Variants in PARD3B observed in about 807,000 individuals in gnomAD.
PARD3B encodes partitioning defective 3 homolog B.
A neutral mutation model predicts 130.2 loss-of-function variants in PARD3B; 103 were observed. That is an observed-to-expected ratio of 0.79 (90% CI 0.67 to 0.93). The LOEUF is 0.93. Ranked by LOEUF, PARD3B falls within the 40% of genes least tolerant of loss-of-function variation. The pLI is 0.00. For synonymous variants in PARD3B, 583 were observed against 553.2 expected, an observed-to-expected ratio of 1.05 and a Z score of -0.76; for missense variants, 1,609 against 1,499.2, an observed-to-expected ratio of 1.07 and a Z score of -1.21.
At chr2:205,552,381 A>G (rs1281775382) in intron 21 of PARD3B, among the ~76,000 whole-genome samples, 1 of 152,102 alleles carries the variant, frequency 6.6e-6, no homozygotes, top group East Asian at 1.9e-4. Context: ...GAAAGGTTTT[A>G]TAGAAAAGGT....
At chr2:204,810,848 CT>C (rs1251466306) in intron 2 of PARD3B, among the ~76,000 whole-genome samples, 1 of 152,058 alleles carries the variant, frequency 6.6e-6, no homozygotes, top group African/African-American at 2.4e-5. Context: ...GGAGTCCCTC[CT>C]CTTCAATTTT....
At chr2:204,935,398 G>T (rs1374080298) in intron 2 of PARD3B, among the ~76,000 whole-genome samples, 9 of 149,264 alleles carry the variant, frequency 6.0e-5, no homozygotes, top group African/African-American at 2.0e-4. Flanking sequence ...AATTAGCCTG[G>T]CATGGTGACG....
intron 1 of PARD3B, among the ~76,000 whole-genome samples, chr2:204,564,239 A>G (rs937738543): frequency 2.6e-5 from 4 of 152,186 alleles, no homozygotes; most frequent in East Asian, 1.9e-4. Flanking sequence ...CTTCACATGC[A>G]TACATTTTGA....
chr2:204,666,503 AG>A (rs2036029589), intron 1 of PARD3B, among the ~76,000 whole-genome samples: 3 of 152,188 alleles, frequency 2.0e-5, no homozygotes, highest in Non-Finnish European at 4.4e-5. Flanking sequence ...AGAAACCAAT[AG>A]GTGGCTATTG....
chr2:204,947,860 G>C (rs2125818245), intron 2 of PARD3B, among the ~76,000 whole-genome samples: 1 of 152,178 alleles, frequency 6.6e-6, no homozygotes, highest in Admixed American at 6.5e-5. Context: ...ATGATGAATA[G>C]GTCTATTGTT....
intron 18 of PARD3B, among the ~76,000 whole-genome samples, chr2:205,359,587 T>C (rs1385498500): frequency 1.3e-5 from 2 of 152,244 alleles, no homozygotes; most frequent in African/African-American, 4.8e-5. Flanking sequence ...CCTCTGCATG[T>C]AGTGACTTAA....
intron 2 of PARD3B, among the ~76,000 whole-genome samples, chr2:204,934,318 G>T (rs1688247378): frequency 6.6e-6 from 1 of 152,158 alleles, no homozygotes; most frequent in South Asian, 2.1e-4. Flanking sequence ...ACACTTTGTG[G>T]GGAGGACATG....
chr2:205,508,675 C>G (rs1040823704), intron 21 of PARD3B, among the ~76,000 whole-genome samples: 1 of 152,094 alleles, frequency 6.6e-6, no homozygotes, highest in East Asian at 1.9e-4. Context: ...TTCTTGAGCT[C>G]TATCCCAATG....
intron 2 of PARD3B, among the ~76,000 whole-genome samples, chr2:204,876,226 G>A (rs1246813773): frequency 6.6e-6 from 1 of 152,102 alleles, no homozygotes; most frequent in Non-Finnish European, 1.5e-5. Flanking sequence ...TTTAATCTTT[G>A]CCTCATAAAA....
chr2:204,699,295 A>G (rs1057474052), intron 2 of PARD3B, among the ~76,000 whole-genome samples: 2 of 152,084 alleles, frequency 1.3e-5, no homozygotes, highest in African/African-American at 4.8e-5. Flanking sequence ...TTACGCTTGG[A>G]CACTGAAAAC....
chr2:204,744,930 G>C (rs1007219870), intron 2 of PARD3B, among the ~76,000 whole-genome samples: 7 of 152,164 alleles, frequency 4.6e-5, no homozygotes, highest in Non-Finnish European at 8.8e-5. Flanking sequence ...TGTCCAGTCA[G>C]ATGCAACAGA....
chr2:205,054,432 ATATAT>A (rs1227855234), intron 4 of PARD3B, among the ~76,000 whole-genome samples: 2 of 30,994 alleles, frequency 6.5e-5, no homozygotes, highest in African/African-American at 1.5e-4. Flanking sequence ...ATATATATAT[ATATAT>A]TTTTTTTTTT....
chr2:205,306,012 A>C (rs1183059562), intron 18 of PARD3B, among the ~76,000 whole-genome samples: 1 of 152,196 alleles, frequency 6.6e-6, no homozygotes, highest in East Asian at 1.9e-4. Flanking sequence ...ATTATCCTGC[A>C]TTTTCCCCAA....
At chr2:204,865,962 C>G (rs1435590686) in intron 2 of PARD3B, among the ~76,000 whole-genome samples, 1 of 152,126 alleles carries the variant, frequency 6.6e-6, no homozygotes, top group Admixed American at 6.6e-5. Flanking sequence ...TACATGAAGA[C>G]CTTGCTTTCA....
chr2:204,902,617 C>T (rs1371695319), intron 2 of PARD3B, among the ~76,000 whole-genome samples: 3 of 143,624 alleles, frequency 2.1e-5, no homozygotes, highest in Admixed American at 1.5e-4. Context: ...TGCAGTGAGC[C>T]GAGATCGCGC....
chr2:204,780,265 G>A (rs1028907295), intron 2 of PARD3B, among the ~76,000 whole-genome samples: 1 of 152,150 alleles, frequency 6.6e-6, no homozygotes, highest in South Asian at 2.1e-4. Context: ...TTATCAGAGA[G>A]AGTGTATGTG....
chr2:204,963,419 T>A (rs1182433540), intron 2 of PARD3B, among the ~76,000 whole-genome samples: 1 of 152,152 alleles, frequency 6.6e-6, no homozygotes, highest in African/African-American at 2.4e-5. Context: ...GGATATCATA[T>A]GAAAGAAGAG....
At chr2:204,651,347 C>G (rs2035469725) in intron 1 of PARD3B, among the ~76,000 whole-genome samples, 2 of 152,162 alleles carry the variant, frequency 1.3e-5, no homozygotes, top group Non-Finnish European at 2.9e-5. Flanking sequence ...AGAAATTGAC[C>G]CAAAGAAAGG....
chr2:205,410,983 T>C (rs1251322980), intron 19 of PARD3B, among the ~76,000 whole-genome samples: 1 of 152,188 alleles, frequency 6.6e-6, no homozygotes, highest in Non-Finnish European at 1.5e-5. Context: ...TTGAATATGC[T>C]TTTTCTGCAT....
Sources: allele counts gnomAD v4.1 joint callset (sites outside exome capture counted in the v4.1 genomes callset), GRCh38; gene constraint gnomAD v4.1.1; transcripts MANE v1.5; gene names NCBI Gene and HGNC (gene_info 2026-07-23, HGNC 2026-07-21).